Variants in DHRS7B observed in about 807,000 individuals in gnomAD.
DHRS7B encodes peroxisomal reductase activating PPAR-gamma.
A neutral mutation model predicts 26.4 loss-of-function variants in DHRS7B; 24 were observed. That is an observed-to-expected ratio of 0.91 (90% CI 0.66 to 1.28). DHRS7B has a LOEUF of 1.28. DHRS7B is among the 50% of genes most tolerant of loss of function. The pLI, the probability that DHRS7B is intolerant of heterozygous loss-of-function variation, is 0.00. For synonymous variants in DHRS7B, 142 were observed against 166.4 expected (o/e 0.85, Z 1.13); for missense variants, 368 against 419.4 (o/e 0.88, Z 1.07).
chr17:21,165,293 G>C (rs1428854383), intron 1 of DHRS7B, among the ~76,000 whole-genome samples: 1 of 152,000 alleles, frequency 6.6e-6, no homozygotes, highest in Non-Finnish European at 1.5e-5. Context: ...GTGTTTTCTA[G>C]GAAAGAGAGT....
intron 1 of DHRS7B, among the ~76,000 whole-genome samples, chr17:21,160,882 A>C (rs1474191846): frequency 2.6e-5 from 4 of 152,226 alleles, no homozygotes; most frequent in African/African-American, 9.6e-5. Context: ...TCAGTACTAA[A>C]AAAAAATGAG....
At chr17:21,161,141 A>G (rs1427667701) in intron 1 of DHRS7B, among the ~76,000 whole-genome samples, 4 of 152,236 alleles carry the variant, frequency 2.6e-5, no homozygotes, top group Non-Finnish European at 5.9e-5. Context: ...GTCAGTATAC[A>G]TTTGTCCAAA....
intron 1 of DHRS7B, among the ~76,000 whole-genome samples, chr17:21,158,220 A>G (rs57217681): frequency 6.6e-6 from 1 of 152,186 alleles, no homozygotes; most frequent in African/African-American, 2.4e-5. Context: ...TTTAAAAAAA[A>G]TTTTTCCCAC....
intron 1 of DHRS7B, among the ~76,000 whole-genome samples, chr17:21,133,797 G>T (rs9674556): frequency 2.9e-4 from 44 of 152,220 alleles, no homozygotes; most frequent in African/African-American, 9.9e-4. Context: ...AGAGAAAATG[G>T]GGGGAGGAAG....
intron 3 of DHRS7B, among the ~76,000 whole-genome samples, chr17:21,182,476 C>T (rs918807343): frequency 1.3e-5 from 2 of 152,032 alleles, no homozygotes; most frequent in African/African-American, 2.4e-5. Context: ...CTTGAACTCC[C>T]GACCTCAGGT....
intron 1 of DHRS7B, among the ~76,000 whole-genome samples, chr17:21,144,403 T>C (rs111962156): frequency 3.3e-5 from 5 of 152,204 alleles, no homozygotes; most frequent in South Asian, 2.1e-4. Flanking sequence ...ATGCAGTAAC[T>C]ATAAAACTAA....
chr17:21,129,477 G>A (rs1042682968), intron 1 of DHRS7B, among the ~76,000 whole-genome samples: 11 of 151,968 alleles, frequency 7.2e-5, no homozygotes, highest in African/African-American at 2.2e-4. Flanking sequence ...AGGCTGAGGT[G>A]GGAGGATCAT....
intron 1 of DHRS7B, chr17:21,127,206 G>C: frequency 2.0e-6 from 1 of 511,666 alleles, no homozygotes; most frequent in Non-Finnish European, 3.3e-6. Context: ...AGTGCGTGGC[G>C]GGGAAACCCG....
chr17:21,162,115 G>A (rs1301181156), intron 1 of DHRS7B, among the ~76,000 whole-genome samples: 1 of 151,716 alleles, frequency 6.6e-6, no homozygotes, highest in African/African-American at 2.4e-5. Flanking sequence ...GAGACATGAT[G>A]ATTTATCTAA....
intron 1 of DHRS7B, among the ~76,000 whole-genome samples, chr17:21,162,696 G>GTTT (rs1974024228): frequency 6.6e-6 from 1 of 152,156 alleles, no homozygotes; most frequent in Non-Finnish European, 1.5e-5. Flanking sequence ...GGCTTGAAAG[G>GTTT]TTTCAGGGAG....
Position 21,190,969 on chromosome 17 carries a change from A to C in DHRS7B, c.794A>C (p.Gln265Pro). Reference sequence around the variant, plus strand: ...TTAGTTATGGACACCACCACAGCCCAGGGCCGAAGCCCTGTGGAGGTGGCC... The same window carrying C: ...TTAGTTATGGACACCACCACAGCCCCGGGCCGAAGCCCTGTGGAGGTGGCC... ...RYGVMDTTTAQGRSPVEVAQD... is the reference protein window; with the variant it reads ...RYGVMDTTTAPGRSPVEVAQD... The change falls in exon 7 of 7, where the codon CAG (glutamine) becomes CCG (proline). Residue 265 changes from glutamine to proline, a missense_variant. Physicochemically the swap from Gln to Pro is moderately conservative, Grantham distance 76. Coordinates refer to ENST00000395511, the MANE Select transcript of DHRS7B (RefSeq NM_015510.5). The C allele has an allele frequency of 6.2e-7, 1 of 1,614,254 alleles. No individual in the cohort carries two copies. Among genetic ancestry groups the C allele is most frequent in the Non-Finnish European group, 8.5e-7 (1 of 1,180,046 alleles).
chr17:21,140,517 C>CACACAT (rs1973477339), intron 1 of DHRS7B, among the ~76,000 whole-genome samples: 3 of 150,128 alleles, frequency 2.0e-5, no homozygotes, highest in African/African-American at 7.4e-5. Flanking sequence ...CACACACACA[C>CACACAT]ACACACACAC....
At chr17:21,185,102 G>C (rs1208973133) in intron 5 of DHRS7B, among the ~76,000 whole-genome samples, 1 of 152,154 alleles carries the variant, frequency 6.6e-6, no homozygotes, top group Admixed American at 6.5e-5. Context: ...GCAGTGTGCT[G>C]TGTAGAACAT....
chr17:21,129,666 C>T (rs925875468), intron 1 of DHRS7B, among the ~76,000 whole-genome samples: 4 of 137,734 alleles, frequency 2.9e-5, no homozygotes, highest in East Asian at 2.1e-4. Flanking sequence ...GATAATACTA[C>T]GGCACTCCAG....
At chr17:21,165,359 T>G (rs1974089095) in intron 1 of DHRS7B, among the ~76,000 whole-genome samples, 1 of 152,060 alleles carries the variant, frequency 6.6e-6, no homozygotes, top group South Asian at 2.1e-4. Flanking sequence ...TTCTTTTTTT[T>G]GGGACAGGGT....
intron 1 of DHRS7B, among the ~76,000 whole-genome samples, chr17:21,164,198 T>C (rs1974060839): frequency 1.3e-5 from 2 of 151,682 alleles, no homozygotes; most frequent in Non-Finnish European, 2.9e-5. Context: ...CTGGCTACTT[T>C]TTTCACTTTT....
At chr17:21,159,862 C>CA (rs59176427) in intron 1 of DHRS7B, among the ~76,000 whole-genome samples, 30,304 of 62,136 alleles carry the variant, frequency 0.49, 6,658 homozygotes, top group Non-Finnish European at 0.53. Flanking sequence ...GACCCTGTCT[C>CA]AAAAAAAAAA....
chr17:21,153,159 A>G (rs2144009703), intron 1 of DHRS7B, among the ~76,000 whole-genome samples: 1 of 152,354 alleles, frequency 6.6e-6, no homozygotes, highest in South Asian at 2.1e-4. Context: ...AAAGTAGACA[A>G]CATGCAAGAA....
intron 1 of DHRS7B, among the ~76,000 whole-genome samples, chr17:21,157,398 G>A (rs1973904719): frequency 6.6e-6 from 1 of 152,156 alleles, no homozygotes; most frequent in African/African-American, 2.4e-5. Flanking sequence ...TGTAAGTCTG[G>A]TTCAATATTC....
Sources: allele counts gnomAD v4.1 joint callset (sites outside exome capture counted in the v4.1 genomes callset), GRCh38; gene constraint gnomAD v4.1.1; transcripts MANE v1.5; gene names NCBI Gene and HGNC (gene_info 2026-07-23, HGNC 2026-07-21).